MARCHF4: variants seen among roughly 807,000 people sequenced by gnomAD.
The protein encoded by MARCHF4 is membrane associated ring-CH-type finger 4.
In MARCHF4, 14 loss-of-function variants were observed where a neutral mutation model predicts 43.9. The observed-to-expected ratio is 0.32, with a 90% CI of 0.21 to 0.50. MARCHF4 has a LOEUF of 0.50. Among genes scored for constraint, MARCHF4 ranks in the 20% least tolerant of loss-of-function variants. The pLI is 0.98. For synonymous variants in MARCHF4, 226 were observed against 213.3 expected (o/e 1.06, Z -0.52); for missense variants, 468 against 536.7 (o/e 0.87, Z 1.27).
At chr2:216,321,663 TG>T (rs1691897264) in intron 1 of MARCHF4, 1 of 152,314 alleles carries the variant, frequency 6.6e-6, no homozygotes, top group Non-Finnish European at 1.5e-5. Flanking sequence ...AATGTAGCCC[TG>T]GGAACACTTT....
intron 1 of MARCHF4, among the ~76,000 whole-genome samples, 173 bp from the exon 2 acceptor site, chr2:216,283,902 T>C (rs780253290): frequency 6.6e-6 from 1 of 152,134 alleles, no homozygotes; most frequent in Non-Finnish European, 1.5e-5. Flanking sequence ...ACCCCCACCA[T>C]GAGAGCCAAA....
At chr2:216,283,987 A>G (rs759757) in intron 1 of MARCHF4, among the ~76,000 whole-genome samples, 68,084 of 151,814 alleles carry the variant, frequency 0.45, 15,572 homozygotes, top group South Asian at 0.54. Flanking sequence ...TTAATTACTA[A>G]GGTTCTACGA....
At chr2:216,324,759 T>A (rs201868514) in intron 1 of MARCHF4, among the ~76,000 whole-genome samples, 113 of 116,172 alleles carry the variant, frequency 9.7e-4, no homozygotes, top group East Asian at 2.3e-3. Flanking sequence ...TTGACAAAAT[T>A]CAACAACATT....
rs757427869 is a variant in MARCHF4 at position 216,259,343 on chromosome 2, C to T, written c.1202G>A (p.Arg401Gln). 13 of 1,571,574 alleles carry T rather than the reference C, an allele frequency of 8.3e-6. No individual in the cohort carries two copies. The highest frequency in any genetic ancestry group is 2.3e-5 in the East Asian group (1 of 44,374). The change falls in exon 4 of 4, where the codon CGA (arginine) becomes CAA (glutamine). Residue 401 changes from arginine to glutamine, a missense_variant. Physicochemically the swap from Arg to Gln is conservative, Grantham distance 43. Transcript: ENST00000273067. ...TGTCGTGACTCTCATGACCAGCTCT[C>T]GGCTGCTGCCTGGGGGACTTCGCTG... ...HEQRSPPGSS[R>Q]ELVMRVTTV
At chr2:216,355,959 A>G (rs908825106) in intron 1 of MARCHF4, among the ~76,000 whole-genome samples, 2 of 152,052 alleles carry the variant, frequency 1.3e-5, no homozygotes, top group Non-Finnish European at 2.9e-5. Context: ...AGCTGCCTAC[A>G]CTCATTCACC....
chr2:216,363,832 G>T (rs945313337), intron 1 of MARCHF4, among the ~76,000 whole-genome samples: 1 of 152,198 alleles, frequency 6.6e-6, no homozygotes, highest in Non-Finnish European at 1.5e-5. Flanking sequence ...AATCTTTGCT[G>T]AAGATATATT....
At chr2:216,354,994 CAG>C (rs1197151397) in intron 1 of MARCHF4, among the ~76,000 whole-genome samples, 1 of 92,192 alleles carries the variant, frequency 1.1e-5, no homozygotes, top group Non-Finnish European at 2.3e-5. Flanking sequence ...TTTTTTGAGA[CAG>C]AGTCTAACTT....
intron 1 of MARCHF4, among the ~76,000 whole-genome samples, chr2:216,329,374 C>CA (rs1692049374): frequency 6.6e-6 from 1 of 151,894 alleles, no homozygotes; most frequent in South Asian, 2.1e-4. Context: ...GAGCGAGACT[C>CA]AGTCTCAAAA....
intron 2 of MARCHF4, among the ~76,000 whole-genome samples, chr2:216,282,455 G>C (rs1173653370): frequency 3.3e-5 from 5 of 151,966 alleles, no homozygotes; most frequent in Non-Finnish European, 7.4e-5. Context: ...ACCCCTCCTG[G>C]GCTTTCAGGA....
At chr2:216,308,154 C>A (rs1411190124) in intron 1 of MARCHF4, among the ~76,000 whole-genome samples, 1 of 152,192 alleles carries the variant, frequency 6.6e-6, no homozygotes, top group Non-Finnish European at 1.5e-5. Flanking sequence ...ATAATCCCAA[C>A]ACTTTGGGAG....
At chr2:216,338,705 G>C (rs1014686449) in intron 1 of MARCHF4, among the ~76,000 whole-genome samples, 1 of 152,076 alleles carries the variant, frequency 6.6e-6, no homozygotes, top group African/African-American at 2.4e-5. Flanking sequence ...AGCATGGCCT[G>C]TGTTCCTGAA....
intron 1 of MARCHF4, among the ~76,000 whole-genome samples, chr2:216,336,750 A>G (rs1692163824): frequency 6.9e-6 from 1 of 144,218 alleles, no homozygotes; most frequent in Non-Finnish European, 1.5e-5. Context: ...TTTAAAAAAA[A>G]AAAAAAAAAA....
At chr2:216,284,377 T>A (rs986123731) in intron 1 of MARCHF4, among the ~76,000 whole-genome samples, 1 of 152,190 alleles carries the variant, frequency 6.6e-6, no homozygotes, top group Admixed American at 6.5e-5. Flanking sequence ...GATTTGAAAC[T>A]TCCTTTGAGT....
chr2:216,331,760 G>T (rs1051888415), intron 1 of MARCHF4, among the ~76,000 whole-genome samples: 1 of 152,118 alleles, frequency 6.6e-6, no homozygotes, highest in Non-Finnish European at 1.5e-5. Flanking sequence ...TGAGAAAAAG[G>T]TTTAATATTT....
At chr2:216,279,187 A>G (rs1319448698) in intron 2 of MARCHF4, among the ~76,000 whole-genome samples, 1 of 152,246 alleles carries the variant, frequency 6.6e-6, no homozygotes, top group Non-Finnish European at 1.5e-5. Flanking sequence ...CTAAGCGGTT[A>G]CTAGGCAAAG....
At chr2:216,346,365 A>G (rs1692320635) in intron 1 of MARCHF4, among the ~76,000 whole-genome samples, 1 of 150,998 alleles carries the variant, frequency 6.6e-6, no homozygotes, top group Admixed American at 6.6e-5. Context: ...GTTTTTGTGC[A>G]TATAGTTAAT....
At position 216,369,470 on chromosome 2, in the gene MARCHF4, T is replaced by C. The variant is rs73070421; in HGVS notation, c.516+275A>G. Among the ~76,000 whole-genome samples the C allele has an allele frequency of 7.8e-3, 1,186 of 152,330 alleles. 13 individuals are homozygous for C. The highest frequency in any genetic ancestry group is 0.027 in the African/African-American group (1,123 of 41,566). On this transcript the variant is annotated intron_variant, in intron 1 of 3. Transcript: ENST00000273067. ...TCCGTTGTTTCTAGATCTTCTATTC[T>C]GAGGATGTTTGTAAAATTTGGAGTT...
At chr2:216,341,980 C>G (rs1297471037) in intron 1 of MARCHF4, among the ~76,000 whole-genome samples, 1 of 152,210 alleles carries the variant, frequency 6.6e-6, no homozygotes, top group Non-Finnish European at 1.5e-5. Flanking sequence ...CTGTGGCAAA[C>G]TCATCATTAG....
At chr2:216,333,513 C>A (rs1692112528) in intron 1 of MARCHF4, among the ~76,000 whole-genome samples, 1 of 152,192 alleles carries the variant, frequency 6.6e-6, no homozygotes, top group Non-Finnish European at 1.5e-5. Context: ...TGTGGAGACT[C>A]TTCATTGCTA....
Sources: gnomAD v4.1 joint callset for allele counts (sites outside exome capture counted in the v4.1 genomes callset) on GRCh38, gnomAD v4.1.1 for gene constraint, MANE v1.5 for transcripts, NCBI Gene and HGNC (gene_info 2026-07-23, HGNC 2026-07-21) for gene names.